JADE1: variants seen among roughly 807,000 people sequenced by gnomAD.
The protein encoded by JADE1 is jade family PHD finger 1.
In JADE1, 14 loss-of-function variants were observed where a neutral mutation model predicts 81.8. The observed-to-expected ratio is 0.17, with a 90% confidence interval of 0.11 to 0.27. The LOEUF is 0.27. Among genes scored for constraint, JADE1 ranks in the 10% least tolerant of loss-of-function variants. JADE1 has a pLI of 1.00. For synonymous variants in JADE1, 353 were observed against 391.9 expected (o/e 0.90, Z 1.17); for missense variants, 690 against 1,047.9 (o/e 0.66, Z 4.71).
rs534623008 is a variant in JADE1 at position 128,846,269 on chromosome 4, A to G, written c.139-106A>G. 2.6e-6 allele frequency: 3 copies of G among 1,138,774 alleles called. No individual in the cohort carries two copies. 70.5% of individuals were successfully genotyped at this position (1,138,774 alleles called of 1,614,324 possible). The stretch of plus-strand genomic sequence containing the variant: ...TAGGTCAGGCTTGTTCTATGTTGAT[A>G]CAGTGACCTTGTTACATGGCAGCTC... On this transcript the variant is annotated intron_variant, in intron 3 of 10. Coordinates refer to ENST00000226319, the MANE Select transcript of JADE1 (RefSeq NM_199320.4). The surrounding 1 kb of genome is among the most constrained non-coding windows in gnomAD (Gnocchi z 4.0).
chr4:128,814,004 A>G (rs1314247153), intron 1 of JADE1, among the ~76,000 whole-genome samples: 2 of 151,736 alleles, frequency 1.3e-5, no homozygotes, highest in Admixed American at 1.3e-4. Flanking sequence ...CTGCACATAT[A>G]TTTTAGCTTT....
chr4:128,850,165 G>C (rs1400618969), intron 5 of JADE1, among the ~76,000 whole-genome samples: 1 of 151,612 alleles, frequency 6.6e-6, no homozygotes, highest in Non-Finnish European at 1.5e-5. Flanking sequence ...GTCGTGGTGG[G>C]TATCTGTGGT....
rs200941213 is a variant in JADE1 at position 128,855,810 on chromosome 4, C to CT, written c.864+20dup. 3,761 of 1,565,844 alleles carry CT rather than the reference C, an allele frequency of 2.4e-3. 84 individuals carry two copies. The African/African-American group carries it at 0.047, about 19-fold the overall frequency. Reference sequence around the variant, plus strand: ...GTGGATCCCTGAGGTACGTGTGGTTCTTTTTTTGTTGTTTTTACTTTTTTT... The same window carrying CT: ...GTGGATCCCTGAGGTACGTGTGGTTCTTTTTTTTGTTGTTTTTACTTTTTTT... On this transcript the variant is annotated intron_variant, in intron 7 of 10. Coordinates refer to ENST00000226319, the MANE Select transcript of JADE1 (RefSeq NM_199320.4).
rs1341007870 is a variant in JADE1, at chr4:128,861,834, A to G, written c.1112A>G (p.His371Arg). ...TCCTATTGCCCAAAGCACAGCTCAC[A>G]TAGGAAACCCGAGGAGAGTCTTGGC... The part of the protein sequence containing the change: ...FKSYCPKHSS[H>R]RKPEESLGKG... The change falls in exon 9 of 11, where the codon CAT (histidine) becomes CGT (arginine). Residue 371 changes from histidine to arginine, a missense_variant. This residue lies in a region of JADE1 where 77 missense variants were observed against 76.4 expected (regional missense o/e 1.01). Transcript: ENST00000226319. 10 of 1,614,094 alleles carry G rather than the reference A, an allele frequency of 6.2e-6. No homozygotes were observed. The highest frequency in any genetic ancestry group is 7.6e-6 in the Non-Finnish European group (9 of 1,180,038).
Position 128,874,838 on chromosome 4 carries a change from G to T in JADE1, c.*2576G>T, listed in dbSNP as rs1031862815. On this transcript the variant is annotated 3_prime_UTR_variant, in exon 11 of 11. Coordinates refer to ENST00000226319, the MANE Select transcript of JADE1 (RefSeq NM_199320.4). ...AGGCTAGTTAAACTTTTGTAAAGTT[G>T]CCTGGAATGTCATTTGTTAGGTTAT... is the stretch of plus-strand genomic sequence containing the variant. 2.6e-5 allele frequency: 4 copies of T among 152,432 alleles called. No individual in the cohort carries two copies. The highest frequency in any genetic ancestry group is 2.9e-5 in the Non-Finnish European group (2 of 67,996). The allele number at this position is 152,432 out of a possible 1,614,324, so 9.4% of individuals were successfully genotyped here.
Position 128,873,070 on chromosome 4 carries a change from G to A in JADE1, c.*808G>A, listed in dbSNP as rs999252467. Reference sequence around the variant, plus strand: ...TCTTCTTCCCTAACCACTGGCTCTTGAGCCAGCTTGGGATTTCCCTGGCCA... The same window carrying A: ...TCTTCTTCCCTAACCACTGGCTCTTAAGCCAGCTTGGGATTTCCCTGGCCA... On this transcript the variant is annotated 3_prime_UTR_variant, in exon 11 of 11. Coordinates refer to ENST00000226319, the MANE Select transcript of JADE1 (RefSeq NM_199320.4). The A allele has an allele frequency of 2.8e-6, 1 of 353,276 alleles. No individual in the cohort carries two copies. Among genetic ancestry groups the A allele is most frequent in the South Asian group, 2.1e-5 (1 of 48,352 alleles). 21.9% of individuals were successfully genotyped at this position (353,276 alleles called of 1,614,324 possible).
intron 8 of JADE1, among the ~76,000 whole-genome samples, chr4:128,857,917 C>T (rs370604444): frequency 1.3e-5 from 2 of 152,124 alleles, no homozygotes; most frequent in South Asian, 2.1e-4. Context: ...ATGGTGTGCG[C>T]ACATCTGTTA....
chr4:128,849,002 C>G lies in JADE1; in HGVS notation c.319C>G (p.Leu107Val). The change falls in exon 5 of 11, where the codon CTC becomes GTC. Residue 107 changes from leucine (L) to valine (V), a missense_variant. Transcript: ENST00000226319. Reference protein sequence around the residue: ...VARVVSEEKSLMFIRPKKYIV... With the variant: ...VARVVSEEKSVMFIRPKKYIV... The stretch of plus-strand genomic sequence containing the variant: ...CAGGGTTGTGTCTGAAGAGAAATCC[C>G]TCATGTTCATCAGGCCCAAGAAGTA... 6.2e-7 allele frequency: 1 copy of G among 1,614,014 alleles called. No homozygotes were observed. The highest frequency in any genetic ancestry group is 8.5e-7 in the Non-Finnish European group (1 of 1,179,998).
Position 128,867,859 on chromosome 4 carries a change from C to T in JADE1, c.1507C>T (p.Arg503Trp). 6.2e-7 allele frequency: 1 copy of T among 1,603,902 alleles called. No individual in the cohort carries two copies. The highest frequency in any genetic ancestry group is 8.5e-7 in the Non-Finnish European group (1 of 1,171,014). Residue 503 changes from arginine (R) to tryptophan (W), a missense_variant, in exon 10 of 11, where the codon CGG (arginine) becomes TGG (tryptophan). Transcript: ENST00000226319. ...THLRQDLERV[R>W]NLTYMVTRRE... ...ATCTTTATTCTCTACATTCTAGGTTCGGAACCTCACTTACATGGTGACCCG... is the reference window on the plus strand; with the variant it reads ...ATCTTTATTCTCTACATTCTAGGTTTGGAACCTCACTTACATGGTGACCCG...
At chr4:128,813,195 A>T (rs1417479406) in intron 1 of JADE1, among the ~76,000 whole-genome samples, 1 of 150,168 alleles carries the variant, frequency 6.7e-6, no homozygotes, top group African/African-American at 2.5e-5. Flanking sequence ...ATTTAATCAC[A>T]GGTGGAGAAA....
chr4:128,822,338 G>T (rs1161824869), intron 1 of JADE1, among the ~76,000 whole-genome samples: 1 of 152,150 alleles, frequency 6.6e-6, no homozygotes, highest in Non-Finnish European at 1.5e-5. Flanking sequence ...CTGCACTCCA[G>T]TCTGGGTGAC....
intron 6 of JADE1, among the ~76,000 whole-genome samples, chr4:128,854,503 G>A (rs1348532473): frequency 2.6e-5 from 4 of 152,086 alleles, no homozygotes; most frequent in Admixed American, 6.6e-5. Context: ...GTAAGTCTGC[G>A]TTGACGGTAG....
At chr4:128,830,828 C>T (rs890466160) in intron 1 of JADE1, among the ~76,000 whole-genome samples, 1 of 152,126 alleles carries the variant, frequency 6.6e-6, no homozygotes, top group Non-Finnish European at 1.5e-5. Context: ...ACTGGCCATT[C>T]CGTCTCAGTT....
chr4:128,815,242 A>G lies in JADE1; in HGVS notation c.-27+5365A>G, dbSNP rs990365531. On this transcript the variant is annotated intron_variant, in intron 1 of 10. Transcript: ENST00000226319. ...CAGCCTCCAGAGTAGCTGGGACTAC[A>G]GGCACCCGCCACCATGCCCAGCTAA... Among the ~76,000 whole-genome samples, 3 of 146,170 alleles carry G rather than the reference A, an allele frequency of 2.1e-5. No homozygotes were observed. The East Asian group carries it at 6.0e-4, about 29-fold the overall frequency.
chr4:128,825,850 G>T (rs1387007001), intron 1 of JADE1, among the ~76,000 whole-genome samples: 1 of 152,208 alleles, frequency 6.6e-6, no homozygotes, highest in Non-Finnish European at 1.5e-5. Context: ...GGGCCAGTGG[G>T]TAAAGCCTGT....
At chr4:128,816,248 T>TGA (rs1241639665) in intron 1 of JADE1, 2 of 152,186 alleles carry the variant, frequency 1.3e-5, no homozygotes, top group Non-Finnish European at 2.9e-5. Context: ...TCTCAGAAGT[T>TGA]GAGATTTAGT....
intron 8 of JADE1, among the ~76,000 whole-genome samples, chr4:128,860,585 C>T (rs571242592): frequency 6.6e-6 from 1 of 152,342 alleles, no homozygotes; most frequent in East Asian, 1.9e-4. Flanking sequence ...CTTGGCTTCA[C>T]ACAATGCAGT....
In JADE1 at chr4:128,873,762, A is replaced by T. The variant is rs910142589; in HGVS notation, c.*1500A>T. 6.6e-6 allele frequency: 1 copy of T among 152,458 alleles called. No individual in the cohort carries two copies. The highest frequency in any genetic ancestry group is 1.5e-5 in the Non-Finnish European group (1 of 68,036). 9.4% of individuals were successfully genotyped at this position (152,458 alleles called of 1,614,324 possible). A position where few individuals can be genotyped will look rare whatever the true frequency, so the allele number is the denominator to read the frequency against. The stretch of plus-strand genomic sequence containing the variant: ...CAGTATTCAGATTCCTGATTCATTT[A>T]TACATCTGTTTCCATATGGCAGGGA... On this transcript the variant is annotated 3_prime_UTR_variant, in exon 11 of 11. Transcript: ENST00000226319.
chr4:128,853,208 G>C (rs763907894), intron 6 of JADE1, among the ~76,000 whole-genome samples: 32 of 152,130 alleles, frequency 2.1e-4, no homozygotes, highest in Non-Finnish European at 4.3e-4. Context: ...GGTACCAGTC[G>C]TATGGGACTA....
Sources: gnomAD v4.1 joint callset for allele counts (sites outside exome capture counted in the v4.1 genomes callset) on GRCh38, gnomAD v4.1.1 for gene constraint, gnomAD v4.1.1 regional missense constraint, Gnocchi (gnomAD v3.1) non-coding constraint, MANE v1.5 for transcripts, NCBI Gene and HGNC (gene_info 2026-07-23, HGNC 2026-07-21) for gene names.